Variants in UBR4 observed in about 807,000 individuals in gnomAD.
UBR4 encodes ubiquitin protein ligase E3 component n-recognin 4.
UBR4 carries 124 observed loss-of-function variants against 575.6 expected under a neutral mutation model. The observed-to-expected ratio is 0.22, with a 90% CI of 0.19 to 0.25. UBR4 has a LOEUF of 0.25. Ranked by LOEUF, UBR4 falls within the 10% of genes least tolerant of loss-of-function variation. UBR4 has a pLI of 1.00. For missense variants in UBR4, 4,818 were observed against 6,478.8 expected (o/e 0.74, Z 8.80); for synonymous variants, 2,455 against 2,473.7 (o/e 0.99, Z 0.22).
chr1:19,128,574 A>G (rs2082072439), intron 61 of UBR4, among the ~76,000 whole-genome samples: 1 of 152,252 alleles, frequency 6.6e-6, no homozygotes, highest in African/African-American at 2.4e-5. Flanking sequence ...GGACTAACCT[A>G]TATTATATCC....
At chr1:19,134,915 G>T (rs2083023712) in intron 60 of UBR4, among the ~76,000 whole-genome samples, 1 of 152,160 alleles carries the variant, frequency 6.6e-6, no homozygotes, top group Admixed American at 6.5e-5. Flanking sequence ...GAGAAGAGGG[G>T]AGGAGAAAAT....
chr1:19,112,930 A>G, intron 77 of UBR4, 63 bp from the exon 78 acceptor site: 1 of 1,490,132 alleles, frequency 6.7e-7, no homozygotes, highest in South Asian at 1.4e-5. Context: ...GATGTTAATT[A>G]GAAAATTAGT....
At chr1:19,181,189 C>A (rs527435372) in intron 17 of UBR4, among the ~76,000 whole-genome samples, 1 of 151,674 alleles carries the variant, frequency 6.6e-6, no homozygotes, top group Non-Finnish European at 1.5e-5. Context: ...GCAGCCTGGG[C>A]GACATAGCGA....
At chr1:19,170,932 CAGTT>C (rs1251268435) in intron 25 of UBR4, 49 bp from the exon 26 acceptor site, 1 of 1,612,948 alleles carries the variant, frequency 6.2e-7, no homozygotes, top group Non-Finnish European at 8.5e-7. Context: ...CTAATCCCAC[CAGTT>C]AGGAAAAACT....
chr1:19,153,245 T>C lies in UBR4; in HGVS notation c.6832+56A>G, dbSNP rs564994214. ...TTTTCAACAGTCTATTCTGAGTCAC[T>C]GTCTAGAAGACCACCATTCCTACTC... On this transcript the variant is annotated intron_variant, in intron 46 of 105. Coordinates refer to ENST00000375254, the MANE Select transcript of UBR4 (RefSeq NM_020765.3). This position sits in a 1 kb window ranked among gnomAD's most constrained non-coding sequence, Gnocchi z 4.1. 249 of 1,561,176 alleles carry C rather than the reference T, an allele frequency of 1.6e-4. 2 individuals carry two copies. In the African/African-American group the frequency reaches 2.4e-3, roughly 15 times the overall value.
intron 84 of UBR4, among the ~76,000 whole-genome samples, chr1:19,105,392 C>T (rs2079076761): frequency 6.6e-6 from 1 of 152,214 alleles, no homozygotes. Context: ...GAGCACACTG[C>T]AGGGAGTGAA....
At chr1:19,122,613 G>A (rs959056264) in intron 66 of UBR4, among the ~76,000 whole-genome samples, 3 of 152,218 alleles carry the variant, frequency 2.0e-5, no homozygotes, top group African/African-American at 7.2e-5. Context: ...CTGCTGCCAG[G>A]TGGGATGAGA....
Position 19,110,061 on chromosome 1 carries a change from G to A in UBR4, c.12105+35C>T. On this transcript the variant is annotated intron_variant, in intron 81 of 105. Transcript: ENST00000375254. The surrounding 1 kb of genome is among the most constrained non-coding windows in gnomAD (Gnocchi z 4.5). The stretch of plus-strand genomic sequence containing the variant: ...AGGGAATGAGGAGGGTGGCCGCCCT[G>A]CCCTTCCTTGTTAGACCCCTGCTTG... 6.2e-7 allele frequency: 1 copy of A among 1,612,810 alleles called. No individual in the cohort carries two copies. Among genetic ancestry groups the A allele is most frequent in the Non-Finnish European group, 8.5e-7 (1 of 1,179,708 alleles).
chr1:19,202,573 G>A (rs1247154013), intron 1 of UBR4, among the ~76,000 whole-genome samples: 1 of 151,886 alleles, frequency 6.6e-6, no homozygotes, highest in African/African-American at 2.4e-5. Flanking sequence ...AAAATTCACT[G>A]GATAACAGAG....
In UBR4 at chr1:19,153,668, G is replaced by T; in HGVS notation, c.6630+100C>A. ...AGAAAAAGGACTGAAAATCTTTTAT[G>T]GGCCTCCATTGAAAGAGCTGGGAAA... is the stretch of plus-strand genomic sequence containing the variant. On this transcript the variant is annotated intron_variant, in intron 45 of 105. Transcript: ENST00000375254. This position sits in a 1 kb window ranked among gnomAD's most constrained non-coding sequence, Gnocchi z 4.1. The T allele has an allele frequency of 6.7e-7, 1 of 1,501,640 alleles. No homozygotes were observed. Among genetic ancestry groups the T allele is most frequent in the South Asian group, 1.3e-5 (1 of 76,470 alleles). The allele number at this position is 1,501,640 out of a possible 1,614,324, so 93.0% of individuals were successfully genotyped here. A position where few individuals can be genotyped will look rare whatever the true frequency, so the allele number is the denominator to read the frequency against.
chr1:19,204,971 A>C (rs1265802760), intron 1 of UBR4, among the ~76,000 whole-genome samples: 8 of 152,202 alleles, frequency 5.3e-5, no homozygotes, highest in African/African-American at 1.9e-4. Context: ...CAAAAAGTTA[A>C]GTAGGAAGGA....
chr1:19,114,208 C>T lies in UBR4; in HGVS notation c.11203-138G>A, dbSNP rs1291362050. 6 of 1,144,884 alleles carry T rather than the reference C, an allele frequency of 5.2e-6. No individual in the cohort carries two copies. In the South Asian group the frequency reaches 8.5e-5, roughly 16 times the overall value. 70.9% of individuals were successfully genotyped at this position (1,144,884 alleles called of 1,614,324 possible). A position where few individuals can be genotyped will look rare whatever the true frequency, so the allele number is the denominator to read the frequency against. On this transcript the variant is annotated intron_variant, in intron 75 of 105. Transcript: ENST00000375254. ...TTTCATACATTATCTCTGTTCTTCA[C>T]AATAATCTTTCCTGTGAGGTGGGTA...
intron 81 of UBR4, among the ~76,000 whole-genome samples, chr1:19,109,588 C>T (rs1475171389): frequency 6.6e-6 from 1 of 152,228 alleles, no homozygotes. Flanking sequence ...CCGTTTTGAT[C>T]ACTTAGTCTG....
chr1:19,135,414 AATTTTAACAC>A (rs1444659392), intron 60 of UBR4, among the ~76,000 whole-genome samples: 2 of 152,252 alleles, frequency 1.3e-5, no homozygotes, highest in Non-Finnish European at 2.9e-5. Context: ...TCAACTTGTC[AATTTTAACAC>A]ATAACTCCAG....
At position 19,121,921 on chromosome 1, in the gene UBR4, C is replaced by G. The variant is rs370655156; in HGVS notation, c.9895+13G>C. On this transcript the variant is annotated intron_variant, in intron 67 of 105. Coordinates refer to ENST00000375254, the MANE Select transcript of UBR4 (RefSeq NM_020765.3). ...AATGAATAACAGCAATCAAAAGGAGCAGCATTGCTTACAGTCATCTTTGAT... is the reference window on the plus strand; with the variant it reads ...AATGAATAACAGCAATCAAAAGGAGGAGCATTGCTTACAGTCATCTTTGAT... 2.5e-6 allele frequency: 4 copies of G among 1,613,928 alleles called. No homozygotes were observed. In the African/African-American group the frequency reaches 4.0e-5, roughly 16 times the overall value.
chr1:19,076,218 C>G (rs2075923111), intron 105 of UBR4, among the ~76,000 whole-genome samples: 1 of 152,162 alleles, frequency 6.6e-6, no homozygotes, highest in Non-Finnish European at 1.5e-5. Context: ...ATTGTCTGAC[C>G]ACGTCTCCCA....
At chr1:19,200,721 G>A (rs2092706461) in intron 2 of UBR4, among the ~76,000 whole-genome samples, 1 of 152,166 alleles carries the variant, frequency 6.6e-6, no homozygotes, top group African/African-American at 2.4e-5. Context: ...TGATTCTTCT[G>A]CCAGTAGCCA....
At chr1:19,149,228 G>GT (rs1426451089) in intron 49 of UBR4, among the ~76,000 whole-genome samples, 1 of 152,166 alleles carries the variant, frequency 6.6e-6, no homozygotes, top group Non-Finnish European at 1.5e-5. Context: ...AAGGTACCAA[G>GT]TAACATGCTC....
chr1:19,106,957 C>T lies in UBR4; in HGVS notation c.12115G>A (p.Val4039Ile), dbSNP rs756428112. The T allele has an allele frequency of 1.3e-5, 21 of 1,611,846 alleles. No homozygotes were observed. Among genetic ancestry groups the T allele is most frequent in the East Asian group, 4.5e-5 (2 of 44,836 alleles). The change falls in exon 82 of 106, where the codon GTT becomes ATT. Residue 4039 changes from valine to isoleucine, a missense_variant. Physicochemically the swap from Val to Ile is conservative, Grantham distance 29. Around this residue, in one of 29 missense-constraint regions of UBR4, gnomAD observed 333 missense variants for 459.2 expected, o/e 0.73. Transcript: ENST00000375254. ...GGCTTCACCGTGGTGAGGGCCTCAA[C>T]GGGGACATCCTGGAGGAGGCAAGTG... Reference protein sequence around the residue: ...PTSKKNKDVPVEALTTVKPYC... With the variant: ...PTSKKNKDVPIEALTTVKPYC...
Sources: gnomAD v4.1 joint callset for allele counts (sites outside exome capture counted in the v4.1 genomes callset) on GRCh38, gnomAD v4.1.1 for gene constraint, gnomAD v4.1.1 regional missense constraint, Gnocchi (gnomAD v3.1) non-coding constraint, MANE v1.5 for transcripts, NCBI Gene and HGNC (gene_info 2026-07-23, HGNC 2026-07-21) for gene names.